HS3ST5: variants seen among roughly 807,000 people sequenced by gnomAD.
HS3ST5 encodes heparan sulfate glucosamine 3-O-sulfotransferase 5.
In HS3ST5, 10 loss-of-function variants were observed where a neutral mutation model predicts 25.4. The observed-to-expected ratio is 0.39, with a 90% CI of 0.24 to 0.67. The LOEUF (loss-of-function observed/expected upper bound fraction) is 0.67, where lower values mean the gene tolerates loss of function less well. Among genes scored for constraint, HS3ST5 ranks in the 30% least tolerant of loss-of-function variants. HS3ST5 has a pLI of 0.44. For missense variants in HS3ST5, 324 were observed against 420.7 expected (o/e 0.77, Z 2.01); for synonymous variants, 170 against 162.4 (o/e 1.05, Z -0.36).
At chr6:114,104,573 G>A (rs1775898955) in intron 3 of HS3ST5, among the ~76,000 whole-genome samples, 1 of 152,048 alleles carries the variant, frequency 6.6e-6, no homozygotes, top group Non-Finnish European at 1.5e-5. Context: ...TTTTATTCTG[G>A]CACTTTACTC....
At chr6:114,279,386 A>G (rs1027763033) in intron 1 of HS3ST5, among the ~76,000 whole-genome samples, 1 of 152,060 alleles carries the variant, frequency 6.6e-6, no homozygotes, top group African/African-American at 2.4e-5. Flanking sequence ...ACAGAAGCAA[A>G]ATTTCAACTT....
At chr6:114,223,184 C>T (rs1782122316) in intron 2 of HS3ST5, among the ~76,000 whole-genome samples, 2 of 151,360 alleles carry the variant, frequency 1.3e-5, no homozygotes. Flanking sequence ...CCCATGCCAA[C>T]ATATATGACA....
intron 1 of HS3ST5, among the ~76,000 whole-genome samples, chr6:114,246,593 C>T (rs1049733067): frequency 6.6e-6 from 1 of 152,072 alleles, no homozygotes; most frequent in Admixed American, 6.5e-5. Flanking sequence ...TTTAATGATA[C>T]CTTAGGCAAC....
intron 3 of HS3ST5, among the ~76,000 whole-genome samples, chr6:114,163,531 G>A (rs1018402416): frequency 2.6e-5 from 4 of 152,094 alleles, no homozygotes; most frequent in African/African-American, 4.8e-5. Flanking sequence ...ACCTGAATTG[G>A]TAACTTAGAT....
At chr6:114,341,427 A>G (rs1305427321) in intron 1 of HS3ST5, among the ~76,000 whole-genome samples, 2 of 152,146 alleles carry the variant, frequency 1.3e-5, no homozygotes. Flanking sequence ...ACCTCCAGGT[A>G]AAGACATCCA....
chr6:114,162,551 G>A (rs1040964129), intron 3 of HS3ST5, among the ~76,000 whole-genome samples: 17 of 152,154 alleles, frequency 1.1e-4, no homozygotes, highest in Non-Finnish European at 2.5e-4. Flanking sequence ...CTTTAATGAT[G>A]TCACTCCCCT....
intron 1 of HS3ST5, among the ~76,000 whole-genome samples, chr6:114,244,102 C>A (rs1163388474): frequency 3.9e-5 from 6 of 152,122 alleles, no homozygotes; most frequent in Non-Finnish European, 4.4e-5. Context: ...TTATAGAGAG[C>A]AGGGATAGAG....
intron 3 of HS3ST5, among the ~76,000 whole-genome samples, chr6:114,080,458 T>C (rs182371424): frequency 2.0e-5 from 3 of 152,322 alleles, no homozygotes; most frequent in East Asian, 3.9e-4. Flanking sequence ...AGAAATTAAA[T>C]TGTTCTACCA....
intron 1 of HS3ST5, among the ~76,000 whole-genome samples, chr6:114,302,965 T>G (rs1775141052): frequency 6.6e-6 from 1 of 152,190 alleles, no homozygotes; most frequent in Admixed American, 6.5e-5. Context: ...AATGAATTCT[T>G]GAGACTAATT....
At chr6:114,111,725 G>T (rs1468222158) in intron 3 of HS3ST5, among the ~76,000 whole-genome samples, 2 of 152,056 alleles carry the variant, frequency 1.3e-5, no homozygotes, top group African/African-American at 4.8e-5. Context: ...ATAACCTTGG[G>T]GCCAATGCTA....
chr6:114,180,399 T>C (rs1779920343), intron 2 of HS3ST5, among the ~76,000 whole-genome samples: 1 of 152,112 alleles, frequency 6.6e-6, no homozygotes, highest in Non-Finnish European at 1.5e-5. Flanking sequence ...TTTCTCATCA[T>C]TCTGGAGGCT....
intron 3 of HS3ST5, among the ~76,000 whole-genome samples, chr6:114,082,509 G>C (rs944366971): frequency 1.3e-5 from 2 of 152,166 alleles, no homozygotes; most frequent in Non-Finnish European, 2.9e-5. Context: ...ACGGGGACCA[G>C]GGAAATGTAT....
At chr6:114,339,143 TC>T (rs1776726611) in intron 1 of HS3ST5, among the ~76,000 whole-genome samples, 1 of 152,120 alleles carries the variant, frequency 6.6e-6, no homozygotes, top group African/African-American at 2.4e-5. Context: ...AAAAAATTCA[TC>T]CATATAAAAA....
At chr6:114,227,730 A>C (rs1339481792) in intron 2 of HS3ST5, among the ~76,000 whole-genome samples, 1 of 152,124 alleles carries the variant, frequency 6.6e-6, no homozygotes, top group Admixed American at 6.6e-5. Flanking sequence ...CACAATCCTC[A>C]AAATTTAGAA....
At chr6:114,161,459 T>G (rs1778941458) in intron 3 of HS3ST5, among the ~76,000 whole-genome samples, 1 of 138,422 alleles carries the variant, frequency 7.2e-6, no homozygotes, top group Non-Finnish European at 1.5e-5. Context: ...ATGATATGTT[T>G]TACCTGATGC....
intron 2 of HS3ST5, among the ~76,000 whole-genome samples, chr6:114,207,156 C>G (rs2114407729): frequency 6.6e-6 from 1 of 152,292 alleles, no homozygotes; most frequent in Non-Finnish European, 1.5e-5. Context: ...TCCATTGTCA[C>G]ACATTTTTCT....
At chr6:114,108,627 G>C (rs766721722) in intron 3 of HS3ST5, among the ~76,000 whole-genome samples, 6 of 152,046 alleles carry the variant, frequency 3.9e-5, no homozygotes, top group African/African-American at 7.2e-5. Flanking sequence ...AATATTTAAA[G>C]GACCTAGGTC....
intron 1 of HS3ST5, among the ~76,000 whole-genome samples, chr6:114,300,611 A>G (rs1186977466): frequency 2.0e-5 from 3 of 152,204 alleles, no homozygotes; most frequent in Non-Finnish European, 4.4e-5. Context: ...TCAACACACA[A>G]AACATAGGGT....
chr6:114,342,810 T>G lies in HS3ST5; in HGVS notation c.-954A>C, dbSNP rs960641621. 10 of 152,258 alleles carry G rather than the reference T, an allele frequency of 6.6e-5. No homozygotes were observed. Among genetic ancestry groups the G allele is most frequent in the African/African-American group, 2.2e-4 (9 of 41,444 alleles). 9.4% of individuals were successfully genotyped at this position (152,258 alleles called of 1,614,324 possible). On this transcript the variant is annotated 5_prime_UTR_variant, in exon 1 of 5. Coordinates refer to ENST00000312719, the MANE Select transcript of HS3ST5 (RefSeq NM_153612.4). ...GTGACTGGGATCTTCCCTTCCTGCGTCCTCGAGCCTCCGGTGCCAAGCTGT... is the reference window on the plus strand; with the variant it reads ...GTGACTGGGATCTTCCCTTCCTGCGGCCTCGAGCCTCCGGTGCCAAGCTGT...
Sources: allele counts gnomAD v4.1 joint callset (sites outside exome capture counted in the v4.1 genomes callset), GRCh38; gene constraint gnomAD v4.1.1; transcripts MANE v1.5; gene names NCBI Gene and HGNC (gene_info 2026-07-23, HGNC 2026-07-21).